Variants in NCKAP5 observed in about 807,000 individuals in gnomAD.
NCKAP5 encodes nck-associated protein 5.
A neutral mutation model predicts 167.0 loss-of-function variants in NCKAP5; 92 were observed. That is an observed-to-expected ratio of 0.55 (90% CI 0.47 to 0.66). The LOEUF is 0.66. Among genes scored for constraint, NCKAP5 ranks in the 30% least tolerant of loss-of-function variants. The pLI, the probability that NCKAP5 is intolerant of heterozygous loss-of-function variation, is 0.00. For missense variants in NCKAP5, 2,378 were observed against 2,315.0 expected (o/e 1.03, Z -0.56); for synonymous variants, 891 against 877.4 (o/e 1.02, Z -0.27).
intron 4 of NCKAP5, among the ~76,000 whole-genome samples, chr2:133,232,908 T>C (rs759137089): frequency 4.6e-5 from 7 of 152,200 alleles, no homozygotes; most frequent in Admixed American, 3.9e-4. Context: ...TCCTTCTATA[T>C]AATCTGAGTG....
the NCKAP5 span, among the ~76,000 whole-genome samples, chr2:133,584,916 T>C: frequency 7.2e-6 from 1 of 138,174 alleles, no homozygotes; most frequent in Non-Finnish European, 1.6e-5. Context: ...GAGTAGGTTT[T>C]AGCTGTTCTT....
intron 6 of NCKAP5, among the ~76,000 whole-genome samples, chr2:133,084,554 T>C (rs1351697275): frequency 6.6e-6 from 1 of 152,128 alleles, no homozygotes; most frequent in Non-Finnish European, 1.5e-5. Flanking sequence ...AGGAAATGCT[T>C]CACTAAATGT....
At chr2:132,835,741 T>C (rs1687845760) in intron 11 of NCKAP5, among the ~76,000 whole-genome samples, 1 of 152,172 alleles carries the variant, frequency 6.6e-6, no homozygotes, top group South Asian at 2.1e-4. Context: ...GTTAATTTTA[T>C]GTCAATTAAT....
intron 16 of NCKAP5, among the ~76,000 whole-genome samples, chr2:132,753,954 C>A (rs546989102): frequency 1.3e-5 from 2 of 152,178 alleles, no homozygotes; most frequent in Admixed American, 1.3e-4. Flanking sequence ...GATGGATACC[C>A]AGCTCCCTCA....
At chr2:132,927,164 A>G (rs553347089) in intron 8 of NCKAP5, among the ~76,000 whole-genome samples, 20 of 152,298 alleles carry the variant, frequency 1.3e-4, no homozygotes, top group African/African-American at 4.3e-4. Context: ...TTTGTCAAAA[A>G]TCAGTTGGCT....
chr2:133,565,657 G>C (rs1347300151), intron 1 of NCKAP5, among the ~76,000 whole-genome samples: 2 of 152,166 alleles, frequency 1.3e-5, no homozygotes, highest in Non-Finnish European at 2.9e-5. Flanking sequence ...CTGTGGAGTA[G>C]AGTGAAATGA....
chr2:132,970,467 G>C (rs2076798486), intron 7 of NCKAP5, among the ~76,000 whole-genome samples: 1 of 152,150 alleles, frequency 6.6e-6, no homozygotes, highest in Admixed American at 6.5e-5. Context: ...GTTTAATCAA[G>C]AGTGAATTCT....
chr2:133,131,718 G>C (rs1430313243), intron 5 of NCKAP5, among the ~76,000 whole-genome samples: 1 of 152,004 alleles, frequency 6.6e-6, no homozygotes, highest in Non-Finnish European at 1.5e-5. Flanking sequence ...TGACATTCTG[G>C]AAGCGCTGGA....
At chr2:133,192,497 C>G (rs1463220680) in intron 5 of NCKAP5, among the ~76,000 whole-genome samples, 4 of 151,578 alleles carry the variant, frequency 2.6e-5, no homozygotes, top group African/African-American at 9.7e-5. Context: ...ATTTACATAC[C>G]ACATATACTA....
intron 3 of NCKAP5, among the ~76,000 whole-genome samples, chr2:133,441,593 T>C (rs1380221531): frequency 1.3e-5 from 2 of 152,218 alleles, no homozygotes; most frequent in African/African-American, 2.4e-5. Flanking sequence ...CAAAATCATT[T>C]AGAGATTCCA....
intron 8 of NCKAP5, chr2:132,954,841 C>G: frequency 2.7e-6 from 1 of 366,628 alleles, no homozygotes; most frequent in Non-Finnish European, 5.4e-6. Flanking sequence ...AATCAGAAAA[C>G]TGCTAGTACA....
intron 6 of NCKAP5, chr2:133,121,882 A>G (rs1411778035): frequency 6.6e-6 from 1 of 152,254 alleles, no homozygotes; most frequent in Non-Finnish European, 1.5e-5. Context: ...TCTACATAAC[A>G]GAATACTATT....
intron 16 of NCKAP5, among the ~76,000 whole-genome samples, chr2:132,737,264 A>G (rs1215546027): frequency 2.0e-5 from 3 of 152,194 alleles, no homozygotes; most frequent in African/African-American, 4.8e-5. Flanking sequence ...TAGAGAATGG[A>G]GTCCCCATTC....
rs535140242 is a variant in NCKAP5, at chr2:132,759,644, C to T, written c.5128+14172G>A. 2.6e-5 allele frequency among the ~76,000 whole-genome samples: 4 copies of T among 152,182 alleles called. No individual in the cohort carries two copies. In the East Asian group the frequency reaches 7.7e-4, roughly 29 times the overall value. ...ATATTTTTTTCTGTTATTAATACAGCTATACCAGGTTTCTTTTCTTTAAGA... is the reference window on the plus strand; with the variant it reads ...ATATTTTTTTCTGTTATTAATACAGTTATACCAGGTTTCTTTTCTTTAAGA... On this transcript the variant is annotated intron_variant, in intron 16 of 19. Coordinates refer to ENST00000409261, the MANE Select transcript of NCKAP5 (RefSeq NM_207363.3).
chr2:133,271,801 T>A (rs550972168), intron 4 of NCKAP5, among the ~76,000 whole-genome samples: 14 of 152,308 alleles, frequency 9.2e-5, no homozygotes, highest in African/African-American at 3.4e-4. Context: ...TTAATTTTTC[T>A]GGGGGTAAAA....
rs182769945 is a variant in NCKAP5 at position 133,320,677 on chromosome 2, G to A, written c.70-17567C>T. Among the ~76,000 whole-genome samples the A allele has an allele frequency of 9.3e-5, 14 of 150,356 alleles. No individual in the cohort carries two copies. The East Asian group carries it at 2.0e-3, about 21-fold the overall frequency. Reference sequence around the variant, plus strand: ...CGGAAGGCGGAGCTTGCAGTGAGCCGAGATCACACCACTGCACTCCAGCGA... The same window carrying A: ...CGGAAGGCGGAGCTTGCAGTGAGCCAAGATCACACCACTGCACTCCAGCGA... On this transcript the variant is annotated intron_variant, in intron 3 of 19. Coordinates refer to ENST00000409261, the MANE Select transcript of NCKAP5 (RefSeq NM_207363.3).
At chr2:133,195,370 T>A (rs1225078302) in intron 5 of NCKAP5, among the ~76,000 whole-genome samples, 1 of 119,532 alleles carries the variant, frequency 8.4e-6, no homozygotes, top group Non-Finnish European at 1.7e-5. Context: ...ATAGACGAAA[T>A]CAGAATCATT....
At chr2:133,409,033 A>G (rs1403334967) in intron 3 of NCKAP5, among the ~76,000 whole-genome samples, 1 of 152,242 alleles carries the variant, frequency 6.6e-6, no homozygotes, top group Non-Finnish European at 1.5e-5. Flanking sequence ...TTACCACAGT[A>G]AAAGCTAATA....
At position 133,303,112 on chromosome 2, in the gene NCKAP5, T is replaced by G; in HGVS notation, c.70-2A>C. ...GTATTTATTGGAGTCCATGTATTCCTGCACAAGCAGACAAAGACAGATGAA... is the reference window on the plus strand; with the variant it reads ...GTATTTATTGGAGTCCATGTATTCCGGCACAAGCAGACAAAGACAGATGAA... On this transcript the variant is annotated splice_acceptor_variant, in intron 3 of 19. Transcript: ENST00000409261. LOFTEE classifies it high-confidence loss of function. 1 of 1,579,212 alleles carries G rather than the reference T, an allele frequency of 6.3e-7. No individual in the cohort carries two copies.
Sources: gnomAD v4.1 joint callset for allele counts (sites outside exome capture counted in the v4.1 genomes callset) on GRCh38, gnomAD v4.1.1 for gene constraint, MANE v1.5 for transcripts, NCBI Gene and HGNC (gene_info 2026-07-23, HGNC 2026-07-21) for gene names.